The following PAK5 variants were observed in gnomAD, a reference collection of about 807,000 sequenced individuals.
PAK5 encodes serine/threonine-protein kinase PAK 5.
Under a neutral mutation model 65.9 loss-of-function variants are expected in PAK5, and 16 were observed. The observed-to-expected ratio is 0.24, with a 90% CI of 0.16 to 0.37. The LOEUF is 0.37. Ranked by LOEUF, PAK5 falls within the 10% of genes least tolerant of loss-of-function variation. The pLI is 1.00. For synonymous variants in PAK5, 371 were observed against 354.9 expected (o/e 1.05, Z -0.51); for missense variants, 785 against 903.9 (o/e 0.87, Z 1.69).
intron 1 of PAK5, among the ~76,000 whole-genome samples, chr20:9,767,346 A>G (rs1270673725): frequency 6.6e-6 from 1 of 152,170 alleles, no homozygotes; most frequent in Non-Finnish European, 1.5e-5. Context: ...CTATTTATTA[A>G]ATCAGGTCCG....
chr20:9,588,560 G>C (rs6086947), intron 3 of PAK5, among the ~76,000 whole-genome samples: 1 of 152,164 alleles, frequency 6.6e-6, no homozygotes, highest in South Asian at 2.1e-4. Flanking sequence ...TGCTGATACA[G>C]GTTTCACTTT....
chr20:9,645,878 G>A (rs781296770), intron 2 of PAK5, among the ~76,000 whole-genome samples: 9 of 152,138 alleles, frequency 5.9e-5, no homozygotes, highest in Non-Finnish European at 1.0e-4. Flanking sequence ...GAGCCACTGC[G>A]CCCAGCCTAT....
intron 1 of PAK5, among the ~76,000 whole-genome samples, chr20:9,790,154 G>A (rs112089515): frequency 0.028 from 4,237 of 152,156 alleles, 90 homozygotes; most frequent in South Asian, 0.058. Context: ...CTTCCTCTAC[G>A]GGTCCTGCTA....
chr20:9,689,450 C>T (rs1417384160), intron 2 of PAK5, among the ~76,000 whole-genome samples: 3 of 152,324 alleles, frequency 2.0e-5, no homozygotes, highest in African/African-American at 4.8e-5. Flanking sequence ...TCCTTCACCC[C>T]TCTTCTTCCT....
chr20:9,789,468 GA>G (rs373066323), intron 1 of PAK5, among the ~76,000 whole-genome samples: 45 of 151,024 alleles, frequency 3.0e-4, no homozygotes, highest in African/African-American at 9.0e-4. Flanking sequence ...TTATTTCAAT[GA>G]AAAAAAAAGT....
At chr20:9,597,219 A>C (rs2046286046) in intron 3 of PAK5, among the ~76,000 whole-genome samples, 1 of 152,074 alleles carries the variant, frequency 6.6e-6, no homozygotes, top group Non-Finnish European at 1.5e-5. Flanking sequence ...TTTCCCTGGC[A>C]CCCTTCTAGC....
intron 3 of PAK5, among the ~76,000 whole-genome samples, chr20:9,641,364 C>T (rs1326963131): frequency 5.3e-5 from 8 of 150,272 alleles, no homozygotes; most frequent in South Asian, 2.1e-4. Flanking sequence ...TACAGAGTGT[C>T]GACTGGTGCA....
At chr20:9,741,383 T>A (rs989248754) in intron 1 of PAK5, among the ~76,000 whole-genome samples, 3 of 152,166 alleles carry the variant, frequency 2.0e-5, no homozygotes, top group Non-Finnish European at 2.9e-5. Flanking sequence ...CTCACTCAAT[T>A]ACATTATACA....
intron 2 of PAK5, among the ~76,000 whole-genome samples, chr20:9,702,540 T>C (rs917514697): frequency 6.6e-6 from 1 of 152,112 alleles, no homozygotes; most frequent in Non-Finnish European, 1.5e-5. Flanking sequence ...GGAATAAACA[T>C]GAAACATGAA....
chr20:9,750,193 C>T (rs112983277), intron 1 of PAK5, among the ~76,000 whole-genome samples: 121 of 152,026 alleles, frequency 8.0e-4, no homozygotes, highest in African/African-American at 2.7e-3. Context: ...ATGTTTGCCT[C>T]CCTGACACCT....
At chr20:9,679,404 T>C (rs1295177515) in intron 2 of PAK5, among the ~76,000 whole-genome samples, 1 of 152,172 alleles carries the variant, frequency 6.6e-6, no homozygotes, top group Non-Finnish European at 1.5e-5. Context: ...CCACTGTCTA[T>C]CCTTTGTGCT....
chr20:9,722,303 G>A (rs2048224603), intron 1 of PAK5, among the ~76,000 whole-genome samples: 1 of 152,130 alleles, frequency 6.6e-6, no homozygotes, highest in Admixed American at 6.5e-5. Flanking sequence ...CTGAAGCAGA[G>A]TCAGTGAGAA....
At chr20:9,631,179 C>T (rs963011495) in intron 3 of PAK5, among the ~76,000 whole-genome samples, 1 of 152,056 alleles carries the variant, frequency 6.6e-6, no homozygotes, top group Non-Finnish European at 1.5e-5. Context: ...CTAGGGTGAC[C>T]CCTCAATGAT....
At chr20:9,651,513 C>A (rs969432356) in intron 2 of PAK5, among the ~76,000 whole-genome samples, 3 of 152,220 alleles carry the variant, frequency 2.0e-5, no homozygotes, top group Admixed American at 1.3e-4. Context: ...CTGTGTCCCA[C>A]CCATGGCAAC....
At chr20:9,694,982 T>C (rs1243031468) in intron 2 of PAK5, among the ~76,000 whole-genome samples, 1 of 152,060 alleles carries the variant, frequency 6.6e-6, no homozygotes, top group Non-Finnish European at 1.5e-5. Flanking sequence ...CCAGTCAGCT[T>C]TCCAAAGTGC....
At chr20:9,773,965 A>G (rs1906666343) in intron 1 of PAK5, among the ~76,000 whole-genome samples, 1 of 152,212 alleles carries the variant, frequency 6.6e-6, no homozygotes, top group African/African-American at 2.4e-5. Flanking sequence ...AGCACTGGAC[A>G]GTGAGGGAAA....
At chr20:9,756,862 C>T (rs2048640341) in intron 1 of PAK5, among the ~76,000 whole-genome samples, 1 of 152,162 alleles carries the variant, frequency 6.6e-6, no homozygotes, top group Non-Finnish European at 1.5e-5. Context: ...CTTTATCTCA[C>T]TATGGGAACA....
chr20:9,836,203 G>A (rs536946562), intron 1 of PAK5, among the ~76,000 whole-genome samples: 14 of 152,142 alleles, frequency 9.2e-5, no homozygotes, highest in Non-Finnish European at 1.5e-4. Flanking sequence ...TAATGTTAAT[G>A]TTGTCATCAA....
At chr20:9,739,486 T>G (rs2048427476) in intron 1 of PAK5, among the ~76,000 whole-genome samples, 1 of 152,168 alleles carries the variant, frequency 6.6e-6, no homozygotes, top group Non-Finnish European at 1.5e-5. Context: ...GAGTTGAATT[T>G]CAAATCACCA....
Sources: gnomAD v4.1 joint callset for allele counts (sites outside exome capture counted in the v4.1 genomes callset) on GRCh38, gnomAD v4.1.1 for gene constraint, MANE v1.5 for transcripts, NCBI Gene and HGNC (gene_info 2026-07-23, HGNC 2026-07-21) for gene names.